HADHB: variants seen among roughly 807,000 people sequenced by gnomAD.
HADHB encodes hydroxyacyl-CoA dehydrogenase trifunctional multienzyme complex subunit beta.
A neutral mutation model predicts 61.9 loss-of-function variants in HADHB; 50 were observed. The ratio of observed to expected loss-of-function variants is 0.81; its 90% CI spans 0.64 to 1.02. The LOEUF is 1.02. Ranked by LOEUF, HADHB falls within the 50% of genes least tolerant of loss-of-function variation. The pLI is 0.00. For missense variants in HADHB, 504 were observed against 586.5 expected (o/e 0.86, Z 1.45); for synonymous variants, 191 against 201.6 (o/e 0.95, Z 0.45).
At position 26,285,984 on chromosome 2, in the gene HADHB, C is replaced by T. The variant is rs573159753; in HGVS notation, c.1389+413C>T. Among the ~76,000 whole-genome samples the T allele has an allele frequency of 4.8e-3, 737 of 152,024 alleles. 9 individuals are homozygous for T. Among genetic ancestry groups the T allele is most frequent in the African/African-American group, 0.017 (709 of 41,476 alleles). ...AATTGCCGACTTCAAGTGATCCACC[C>T]TCCTTGGCCTCCCAAAGTGCTGTGA... is the stretch of plus-strand genomic sequence containing the variant. On this transcript the variant is annotated intron_variant, in intron 15 of 15. Transcript: ENST00000317799.
At chr2:26,277,582 C>G (rs757801866) in intron 7 of HADHB, among the ~76,000 whole-genome samples, 1 of 152,136 alleles carries the variant, frequency 6.6e-6, no homozygotes, top group Admixed American at 6.6e-5. Flanking sequence ...GATCTCTATA[C>G]TTGTGTTTTT....
chr2:26,254,647 A>T (rs1482710162), intron 3 of HADHB, 173 bp downstream of exon 3: 1 of 585,300 alleles, frequency 1.7e-6, no homozygotes, highest in Non-Finnish European at 3.1e-6. Flanking sequence ...ATCAATAATG[A>T]TACTACATTA....
At chr2:26,266,880 A>T (rs906432400) in intron 4 of HADHB, among the ~76,000 whole-genome samples, 7 of 149,350 alleles carry the variant, frequency 4.7e-5, no homozygotes, top group African/African-American at 1.5e-4. Flanking sequence ...TCAAAAAAAA[A>T]AAAAAAAAAA....
chr2:26,275,928 A>G (rs921815320), intron 6 of HADHB, among the ~76,000 whole-genome samples: 1 of 152,220 alleles, frequency 6.6e-6, no homozygotes, highest in African/African-American at 2.4e-5. Flanking sequence ...GAGGATAATT[A>G]ATAGTTTCAG....
In HADHB at chr2:26,284,164, T is replaced by C; in HGVS notation, c.1109T>C (p.Met370Thr). Residue 370 changes from methionine (M) to threonine (T), a missense_variant, in exon 13 of 16, where the codon ATG (methionine) becomes ACG (threonine). Transcript: ENST00000317799. Reference sequence around the variant, plus strand: ...GTTCTAGAAAAGGCAGGATTGACCATGAATGATATTGATGCTTTTGAATTT... The same window carrying C: ...GTTCTAGAAAAGGCAGGATTGACCACGAATGATATTGATGCTTTTGAATTT... Reference protein sequence around the residue: ...PKVLEKAGLTMNDIDAFEFHE... With the variant: ...PKVLEKAGLTTNDIDAFEFHE... The C allele has an allele frequency of 1.3e-6, 2 of 1,598,096 alleles. No individual in the cohort carries two copies. The highest frequency in any genetic ancestry group is 1.7e-6 in the Non-Finnish European group (2 of 1,165,482).
intron 1 of HADHB, among the ~76,000 whole-genome samples, chr2:26,251,429 C>T (rs907305951): frequency 1.8e-4 from 27 of 152,160 alleles, no homozygotes; most frequent in African/African-American, 4.8e-4. Context: ...CTCAAGTGAT[C>T]CTCCCACCTC....
chr2:26,258,277 T>C (rs1671713235), intron 3 of HADHB, among the ~76,000 whole-genome samples: 1 of 152,148 alleles, frequency 6.6e-6, no homozygotes, highest in East Asian at 1.9e-4. Flanking sequence ...GCTCCCAAGA[T>C]GGCGGCAAGC....
At chr2:26,271,720 G>A (rs1672355961) in intron 5 of HADHB, among the ~76,000 whole-genome samples, 1 of 152,044 alleles carries the variant, frequency 6.6e-6, no homozygotes, top group African/African-American at 2.4e-5. Context: ...CAAGGTAGGA[G>A]GATCTTTTGA....
intron 4 of HADHB, among the ~76,000 whole-genome samples, chr2:26,265,597 A>ACAAC (rs1672042907): frequency 2.6e-5 from 4 of 151,624 alleles, no homozygotes; most frequent in African/African-American, 9.7e-5. Flanking sequence ...CTCCATCTCA[A>ACAAC]AACAACAACA....
chr2:26,260,155 T>G (rs1454402693), intron 3 of HADHB, among the ~76,000 whole-genome samples: 1 of 151,152 alleles, frequency 6.6e-6, no homozygotes, highest in Non-Finnish European at 1.5e-5. Flanking sequence ...GATCTCAGCT[T>G]ACGGCAACCT....
intron 4 of HADHB, among the ~76,000 whole-genome samples, chr2:26,267,121 T>C (rs1159651154): frequency 6.6e-6 from 1 of 152,070 alleles, no homozygotes; most frequent in Non-Finnish European, 1.5e-5. Context: ...TCTTATTTAA[T>C]CCAATGATTA....
chr2:26,273,215 T>C (rs577958192), intron 5 of HADHB, among the ~76,000 whole-genome samples: 1 of 152,006 alleles, frequency 6.6e-6, no homozygotes, highest in East Asian at 1.9e-4. Flanking sequence ...TTGTTGATAC[T>C]GATATTTCAA....
intron 5 of HADHB, among the ~76,000 whole-genome samples, chr2:26,270,671 T>G (rs901311297): frequency 6.6e-6 from 1 of 152,154 alleles, no homozygotes; most frequent in Admixed American, 6.5e-5. Flanking sequence ...CCATTTTCCC[T>G]TTGTTTTACA....
At chr2:26,285,288 G>A in intron 14 of HADHB, 119 bp from the exon 15 acceptor site, 2 of 823,532 alleles carry the variant, frequency 2.4e-6, no homozygotes, top group South Asian at 3.1e-5. Flanking sequence ...AAAATTATTT[G>A]TAATATGTCT....
intron 14 of HADHB, 129 bp downstream of exon 14, chr2:26,285,086 G>A: frequency 1.5e-6 from 1 of 666,954 alleles, no homozygotes; most frequent in Non-Finnish European, 2.7e-6. Flanking sequence ...TTTCATTAAA[G>A]ATATTTATTT....
intron 4 of HADHB, among the ~76,000 whole-genome samples, chr2:26,265,358 G>A (rs10169785): frequency 0.013 from 1,971 of 152,314 alleles, 43 homozygotes; most frequent in African/African-American, 0.045. Flanking sequence ...CACTTTGGGA[G>A]GCCAAGGCAG....
chr2:26,285,285 T>A (rs1334728608), intron 14 of HADHB, 122 bp from the exon 15 acceptor site: 9 of 808,330 alleles, frequency 1.1e-5, no homozygotes, highest in Non-Finnish European at 1.9e-5. Context: ...AGTAAAATTA[T>A]TTGTAATATG....
intron 4 of HADHB, among the ~76,000 whole-genome samples, chr2:26,267,487 GA>G (rs567384356): frequency 2.1e-3 from 323 of 152,234 alleles, no homozygotes; most frequent in African/African-American, 7.6e-3. Context: ...AAATGCCTAC[GA>G]GTCTAATCTG....
At chr2:26,258,796 CT>C (rs1187225556) in intron 3 of HADHB, among the ~76,000 whole-genome samples, 1 of 152,346 alleles carries the variant, frequency 6.6e-6, no homozygotes, top group East Asian at 1.9e-4. Flanking sequence ...GTCGCTCCCC[CT>C]GTGCTCTCAG....
Sources: allele counts gnomAD v4.1 joint callset (sites outside exome capture counted in the v4.1 genomes callset), GRCh38; gene constraint gnomAD v4.1.1; transcripts MANE v1.5; gene names NCBI Gene and HGNC (gene_info 2026-07-23, HGNC 2026-07-21).